Variants in TENM3 observed in about 807,000 individuals in gnomAD.
The protein encoded by TENM3 is teneurin transmembrane protein 3, also known as teneurin-3.
In TENM3, 63 loss-of-function variants were observed where a neutral mutation model predicts 255.1. The ratio of observed to expected loss-of-function variants is 0.25; its 90% CI spans 0.20 to 0.30. TENM3 has a LOEUF of 0.30. Ranked by LOEUF, TENM3 falls within the 10% of genes least tolerant of loss-of-function variation. The pLI, the probability that TENM3 is intolerant of heterozygous loss-of-function variation, is 1.00. For synonymous variants in TENM3, 1,306 were observed against 1,322.3 expected (o/e 0.99, Z 0.27); for missense variants, 2,929 against 3,461.1 (o/e 0.85, Z 3.86).
chr4:181,944,170 G>T, the TENM3 span, among the ~76,000 whole-genome samples: 1 of 152,144 alleles, frequency 6.6e-6, no homozygotes, highest in Non-Finnish European at 1.5e-5. Context: ...GATTATGGAG[G>T]CTGAGAAGTT....
Position 182,660,669 on chromosome 4 carries a change from A to G in TENM3, c.1111+6776A>G, listed in dbSNP as rs139077386. Among the ~76,000 whole-genome samples the G allele has an allele frequency of 1.9e-3, 294 of 152,338 alleles. 7 individuals are homozygous for G. In the East Asian group the frequency reaches 0.042, roughly 22 times the overall value. On this transcript the variant is annotated intron_variant, in intron 6 of 27. Coordinates refer to ENST00000511685, the MANE Select transcript of TENM3 (RefSeq NM_001080477.4). ...TGGAAATCCCCATCATTCGTTATTTATATTTTTAGTTATTTGAATTTTATG... is the reference window on the plus strand; with the variant it reads ...TGGAAATCCCCATCATTCGTTATTTGTATTTTTAGTTATTTGAATTTTATG...
the TENM3 span, among the ~76,000 whole-genome samples, chr4:182,100,580 T>C: frequency 1.2e-3 from 123 of 99,410 alleles, 1 homozygote; most frequent in African/African-American, 4.9e-3. Flanking sequence ...TATATACACA[T>C]ATATATACAC....
At chr4:182,167,737 G>T (rs193204119) in intron 1 of TENM3, among the ~76,000 whole-genome samples, 1 of 152,176 alleles carries the variant, frequency 6.6e-6, no homozygotes, top group Non-Finnish European at 1.5e-5. Context: ...TTAGCCGGGT[G>T]CAGGGGTGCA....
At chr4:182,251,845 T>C (rs963381326) in intron 1 of TENM3, among the ~76,000 whole-genome samples, 1 of 152,200 alleles carries the variant, frequency 6.6e-6, no homozygotes, top group Non-Finnish European at 1.5e-5. Context: ...AGTGGGTTAC[T>C]TTATTCATTT....
At chr4:182,604,383 T>A (rs181479485) in intron 4 of TENM3, among the ~76,000 whole-genome samples, 5 of 152,360 alleles carry the variant, frequency 3.3e-5, no homozygotes, top group African/African-American at 1.2e-4. Flanking sequence ...CTTACAATTT[T>A]CCTGAAAATT....
chr4:182,524,043 T>C (rs957193894), intron 3 of TENM3, among the ~76,000 whole-genome samples: 2 of 152,184 alleles, frequency 1.3e-5, no homozygotes, highest in African/African-American at 4.8e-5. Context: ...GCAGTCCCTT[T>C]CATATCACTC....
At chr4:182,005,371 A>G in the TENM3 span, among the ~76,000 whole-genome samples, 3 of 152,216 alleles carry the variant, frequency 2.0e-5, no homozygotes, top group East Asian at 1.9e-4. Flanking sequence ...CAAAGATCAG[A>G]TGGTTGTAGA....
chr4:182,064,333 C>T, the TENM3 span, among the ~76,000 whole-genome samples: 1 of 152,112 alleles, frequency 6.6e-6, no homozygotes, highest in East Asian at 1.9e-4. Flanking sequence ...AATCCCAGCA[C>T]TTTGGGAGGC....
the TENM3 span, among the ~76,000 whole-genome samples, chr4:181,752,519 A>G: frequency 6.6e-6 from 1 of 152,050 alleles, no homozygotes; most frequent in Non-Finnish European, 1.5e-5. Flanking sequence ...ACCACTGCAC[A>G]CCAGCCTGGG....
upstream of TENM3, among the ~76,000 whole-genome samples, chr4:182,239,351 T>C (rs976206873): frequency 1.7e-4 from 26 of 152,164 alleles, no homozygotes; most frequent in African/African-American, 5.1e-4. Context: ...AGTACTGGGA[T>C]TACAGGCATG....
chr4:182,480,245 CAAT>C (rs944463520), intron 3 of TENM3, among the ~76,000 whole-genome samples: 9 of 151,926 alleles, frequency 5.9e-5, no homozygotes, highest in Non-Finnish European at 1.2e-4. Flanking sequence ...AAAATAAAAC[CAAT>C]AATAATAATT....
chr4:181,598,944 T>C, the TENM3 span, among the ~76,000 whole-genome samples: 1 of 152,342 alleles, frequency 6.6e-6, no homozygotes, highest in East Asian at 1.9e-4. Flanking sequence ...CAAAATTTTC[T>C]GTCTTCTTTT....
At chr4:182,466,593 A>T (rs1461831862) in intron 3 of TENM3, among the ~76,000 whole-genome samples, 1 of 152,008 alleles carries the variant, frequency 6.6e-6, no homozygotes, top group Admixed American at 6.6e-5. Context: ...TGGCCTCCCA[A>T]AGTGCTGGGA....
At chr4:181,562,511 T>G in the TENM3 span, among the ~76,000 whole-genome samples, 1 of 152,186 alleles carries the variant, frequency 6.6e-6, no homozygotes, top group Non-Finnish European at 1.5e-5. Context: ...ATTTGGTATA[T>G]GTAGTCTTCC....
chr4:181,500,526 T>C, the TENM3 span, among the ~76,000 whole-genome samples: 4 of 152,310 alleles, frequency 2.6e-5, no homozygotes, highest in South Asian at 4.1e-4. Flanking sequence ...CAGATGTTCA[T>C]ACAATTGAGA....
the TENM3 span, among the ~76,000 whole-genome samples, chr4:181,784,837 G>A: frequency 1.3e-5 from 2 of 152,102 alleles, no homozygotes; most frequent in South Asian, 2.1e-4. Flanking sequence ...AACACTTACT[G>A]TTGAGTGTAA....
the TENM3 span, among the ~76,000 whole-genome samples, chr4:182,045,640 A>C: frequency 6.6e-6 from 1 of 151,406 alleles, no homozygotes; most frequent in Non-Finnish European, 1.5e-5. Context: ...AGAAATAACT[A>C]TTTAAGGCAG....
chr4:182,501,599 G>C (rs994247008), intron 3 of TENM3, among the ~76,000 whole-genome samples: 2 of 152,052 alleles, frequency 1.3e-5, no homozygotes, highest in Non-Finnish European at 2.9e-5. Flanking sequence ...TCCTTATCCA[G>C]AAGCAACTAC....
chr4:182,707,445 A>C (rs977915752), intron 12 of TENM3, among the ~76,000 whole-genome samples: 1 of 152,174 alleles, frequency 6.6e-6, no homozygotes, highest in African/African-American at 2.4e-5. Context: ...TGCAGAAAAG[A>C]GCAAATTATC....
Sources: allele counts gnomAD v4.1 joint callset (sites outside exome capture counted in the v4.1 genomes callset), GRCh38; gene constraint gnomAD v4.1.1; transcripts MANE v1.5; gene names NCBI Gene and HGNC (gene_info 2026-07-23, HGNC 2026-07-21).